CACNA1D: variants seen among roughly 807,000 people sequenced by gnomAD.
The protein encoded by CACNA1D is voltage-dependent L-type calcium channel subunit alpha-1D.
Under a neutral mutation model 257.1 loss-of-function variants are expected in CACNA1D, and 55 were observed. The ratio of observed to expected loss-of-function variants is 0.21; its 90% confidence interval spans 0.17 to 0.27. The LOEUF (loss-of-function observed/expected upper bound fraction) is 0.27. Ranked by LOEUF, CACNA1D falls within the 10% of genes least tolerant of loss-of-function variation. The pLI, the probability that CACNA1D is intolerant of heterozygous loss-of-function variation, is 1.00. For synonymous variants in CACNA1D, 980 were observed against 1,014.9 expected (o/e 0.97, Z 0.65); for missense variants, 1,876 against 2,784.0 (o/e 0.67, Z 7.34).
intron 3 of CACNA1D, among the ~76,000 whole-genome samples, chr3:53,540,351 C>T: frequency 6.6e-6 from 1 of 151,542 alleles, no homozygotes; most frequent in East Asian, 1.9e-4. Flanking sequence ...GTCTCGAACT[C>T]CTGACCTCAA....
At chr3:53,629,231 C>T (rs751498671) in intron 3 of CACNA1D, among the ~76,000 whole-genome samples, 12 of 152,210 alleles carry the variant, frequency 7.9e-5, no homozygotes, top group East Asian at 1.9e-4. Flanking sequence ...GAACAAGTTT[C>T]GAGTTGTCAC....
intron 3 of CACNA1D, among the ~76,000 whole-genome samples, chr3:53,611,198 A>T (rs2093578926): frequency 6.6e-6 from 1 of 152,148 alleles, no homozygotes; most frequent in South Asian, 2.1e-4. Flanking sequence ...AGCACAGGCA[A>T]CGTAGCAAGA....
intron 3 of CACNA1D, among the ~76,000 whole-genome samples, chr3:53,603,675 A>G (rs1156578252): frequency 6.6e-6 from 1 of 152,246 alleles, no homozygotes; most frequent in South Asian, 2.1e-4. Flanking sequence ...ATGTGGCAGC[A>G]ATAAAACTGG....
intron 40 of CACNA1D, chr3:53,791,203 C>T (rs922602064): frequency 8.7e-5 from 50 of 577,306 alleles, no homozygotes; most frequent in Non-Finnish European, 1.3e-4. Context: ...GGGGCCGTGG[C>T]TCATCTGCGG....
intron 20 of CACNA1D, among the ~76,000 whole-genome samples, chr3:53,738,303 C>G (rs1576511509): frequency 6.6e-6 from 1 of 152,202 alleles, no homozygotes; most frequent in East Asian, 1.9e-4. Context: ...ATGAAACACG[C>G]ACTCCGATAT....
chr3:53,508,172 C>T (rs554931794), intron 3 of CACNA1D, among the ~76,000 whole-genome samples: 23 of 152,060 alleles, frequency 1.5e-4, no homozygotes, highest in Admixed American at 7.2e-4. Flanking sequence ...TTTTAAGTTC[C>T]GGGATACATG....
intron 3 of CACNA1D, among the ~76,000 whole-genome samples, chr3:53,635,498 G>A (rs371721728): frequency 1.3e-5 from 2 of 152,320 alleles, no homozygotes; most frequent in South Asian, 4.1e-4. Context: ...TTATGAGTTA[G>A]TTTGCTGGGC....
At chr3:53,525,352 G>C (rs908419024) in intron 3 of CACNA1D, among the ~76,000 whole-genome samples, 3 of 152,176 alleles carry the variant, frequency 2.0e-5, no homozygotes, top group African/African-American at 7.2e-5. Context: ...ATTATTGGTA[G>C]CTTGAAAAAT....
chr3:53,754,217 T>A (rs944687335), intron 29 of CACNA1D, among the ~76,000 whole-genome samples: 8 of 152,232 alleles, frequency 5.3e-5, no homozygotes, highest in African/African-American at 1.9e-4. Context: ...AAAATTTCAC[T>A]TGACTTTAAC....
At chr3:53,747,199 T>G in intron 25 of CACNA1D, 103 bp from the exon 26 acceptor site, 1 of 906,196 alleles carries the variant, frequency 1.1e-6, no homozygotes, top group Non-Finnish European at 1.8e-6. Context: ...GCGGACTGAG[T>G]GTGACCTGCC....
At chr3:53,735,550 T>C (rs2095049422) in intron 20 of CACNA1D, 47 bp downstream of exon 20, 5 of 1,605,668 alleles carry the variant, frequency 3.1e-6, no homozygotes. Flanking sequence ...CTGGCCTCTC[T>C]CGGGCAGAGG....
chr3:53,676,556 G>C (rs934165993), intron 8 of CACNA1D, among the ~76,000 whole-genome samples: 1 of 152,168 alleles, frequency 6.6e-6, no homozygotes, highest in Non-Finnish European at 1.5e-5. Context: ...TTTTAGAAAG[G>C]CTGGTCGAGA....
Position 53,721,007 on chromosome 3 carries a change from A to G in CACNA1D, c.1505+1226A>G, listed in dbSNP as rs772763403. Among the ~76,000 whole-genome samples the G allele has an allele frequency of 9.1e-4, 139 of 152,196 alleles. 2 individuals carry two copies. The highest frequency in any genetic ancestry group is 3.2e-3 in the Middle Eastern group (1 of 314). On this transcript the variant is annotated intron_variant, in intron 11 of 47. Coordinates refer to ENST00000350061, the MANE Select transcript of CACNA1D (RefSeq NM_001128840.3). ...CTTACCCCAAGCTGGAAGTAACCCAAAGGTCCATCAAATGTGAATGGGTAG... is the reference window on the plus strand; with the variant it reads ...CTTACCCCAAGCTGGAAGTAACCCAGAGGTCCATCAAATGTGAATGGGTAG...
intron 42 of CACNA1D, among the ~76,000 whole-genome samples, chr3:53,801,717 C>T (rs1437203532): frequency 6.6e-6 from 1 of 152,226 alleles, no homozygotes; most frequent in Non-Finnish European, 1.5e-5. Flanking sequence ...TGCTCACATA[C>T]TGTGCGACAG....
Position 53,708,373 on chromosome 3 carries a change from C to G in CACNA1D, c.1390+5563C>G, listed in dbSNP as rs527815007. Reference sequence around the variant, plus strand: ...TAAATATGCGTCCAGGTCAAGAGCCCTCACTGGAGAGGCAGCTGGAAGTGC... The same window carrying G: ...TAAATATGCGTCCAGGTCAAGAGCCGTCACTGGAGAGGCAGCTGGAAGTGC... On this transcript the variant is annotated intron_variant, in intron 9 of 47. Transcript: ENST00000350061. Among the ~76,000 whole-genome samples the G allele has an allele frequency of 1.4e-3, 208 of 152,330 alleles. 1 individual carries two copies. Among genetic ancestry groups the G allele is most frequent in the African/African-American group, 4.8e-3 (200 of 41,568 alleles).
chr3:53,683,168 A>G lies in CACNA1D; in HGVS notation c.1220+10042A>G, dbSNP rs188518216. On this transcript the variant is annotated intron_variant, in intron 8 of 47. Transcript: ENST00000350061. ...GAGGTTCTTTGAAATCTGACCATAT[A>G]CTAAGCTGCTTCTGTGCCAGGTGAT... 2.1e-3 allele frequency among the ~76,000 whole-genome samples: 323 copies of G among 152,328 alleles called. 2 individuals are homozygous for G. Among genetic ancestry groups the G allele is most frequent in the African/African-American group, 7.3e-3 (304 of 41,566 alleles).
chr3:53,682,048 T>C (rs1014613503), intron 8 of CACNA1D, among the ~76,000 whole-genome samples: 1 of 152,122 alleles, frequency 6.6e-6, no homozygotes, highest in Non-Finnish European at 1.5e-5. Flanking sequence ...TTAGACTATG[T>C]CACAGGTTTT....
At chr3:53,740,519 C>T (rs1024631541) in intron 21 of CACNA1D, 180 bp downstream of exon 21, 6 of 619,146 alleles carry the variant, frequency 9.7e-6, no homozygotes, top group African/African-American at 3.7e-5. Context: ...GCTGCTCCTG[C>T]GTGTGACACA....
intron 31 of CACNA1D, 125 bp from the exon 32 acceptor site, chr3:53,770,299 G>A (rs941254696): frequency 3.1e-6 from 3 of 974,000 alleles, no homozygotes; most frequent in Middle Eastern, 4.1e-4. Flanking sequence ...TTTTTAAGAT[G>A]AAAAGGCCCT....
Sources: allele counts gnomAD v4.1 joint callset (sites outside exome capture counted in the v4.1 genomes callset), GRCh38; gene constraint gnomAD v4.1.1; transcripts MANE v1.5; gene names NCBI Gene and HGNC (gene_info 2026-07-23, HGNC 2026-07-21).